Variants in DDX10 observed in about 807,000 individuals in gnomAD.
The protein encoded by DDX10 is DEAD-box helicase 10, also known as probable ATP-dependent RNA helicase DDX10.
In DDX10, 74 loss-of-function variants were observed where a neutral mutation model predicts 104.3. That is an observed-to-expected ratio of 0.71 (90% confidence interval 0.59 to 0.86). The LOEUF (loss-of-function observed/expected upper bound fraction) is 0.86. Among genes scored for constraint, DDX10 ranks in the 40% least tolerant of loss-of-function variants. The probability of loss-of-function intolerance (pLI) is 0.00; values close to 1 mark genes in which losing one functional copy is unlikely to be tolerated. For synonymous variants in DDX10, 351 were observed against 353.4 expected (o/e 0.99, Z 0.08); for missense variants, 952 against 1,040.0 (o/e 0.92, Z 1.16).
intron 13 of DDX10, among the ~76,000 whole-genome samples, chr11:108,779,574 A>T (rs563589359): frequency 4.5e-4 from 68 of 152,292 alleles, no homozygotes; most frequent in African/African-American, 1.6e-3. Context: ...TAGGAGATAT[A>T]CCTAATGTAA....
intron 16 of DDX10, among the ~76,000 whole-genome samples, chr11:108,900,146 C>G (rs1863497587): frequency 6.6e-6 from 1 of 152,092 alleles, no homozygotes; most frequent in Non-Finnish European, 1.5e-5. Flanking sequence ...TCCGTCCTCC[C>G]CTCGCTCCTG....
chr11:108,931,354 A>G (rs903512068), intron 17 of DDX10, among the ~76,000 whole-genome samples: 1 of 152,150 alleles, frequency 6.6e-6, no homozygotes, highest in Non-Finnish European at 1.5e-5. Flanking sequence ...CAAACATAAA[A>G]ATTGGCACCC....
At chr11:108,750,510 C>T (rs954568935) in intron 13 of DDX10, among the ~76,000 whole-genome samples, 10 of 152,104 alleles carry the variant, frequency 6.6e-5, no homozygotes, top group South Asian at 2.1e-4. Flanking sequence ...CTTTCACTCT[C>T]ACCCTCTTCC....
At chr11:108,744,139 A>C (rs1257190750) in intron 13 of DDX10, among the ~76,000 whole-genome samples, 1 of 152,078 alleles carries the variant, frequency 6.6e-6, no homozygotes, top group Non-Finnish European at 1.5e-5. Flanking sequence ...TTATATTCCC[A>C]TTAATATCGT....
At chr11:108,705,979 CT>C (rs925791528) in intron 9 of DDX10, among the ~76,000 whole-genome samples, 31 of 148,848 alleles carry the variant, frequency 2.1e-4, no homozygotes, top group Non-Finnish European at 2.7e-4. Context: ...CTATTTCTTT[CT>C]TTTTTTTTTG....
chr11:108,829,308 G>T (rs1221854876), intron 13 of DDX10, among the ~76,000 whole-genome samples: 2 of 152,132 alleles, frequency 1.3e-5, no homozygotes, highest in Non-Finnish European at 2.9e-5. Flanking sequence ...GGAGTGAGGT[G>T]GTATTGCATT....
intron 13 of DDX10, among the ~76,000 whole-genome samples, chr11:108,789,832 C>T (rs1861846461): frequency 6.6e-6 from 1 of 152,184 alleles, no homozygotes; most frequent in South Asian, 2.1e-4. Context: ...ATAACATTGT[C>T]AAGATCAAGG....
At chr11:108,677,370 G>C (rs1012827975) in intron 4 of DDX10, 127 bp downstream of exon 4, 1 of 783,398 alleles carries the variant, frequency 1.3e-6, no homozygotes, top group East Asian at 2.7e-5. Flanking sequence ...TCATGGGATA[G>C]TAGCACTTGG....
chr11:108,722,325 C>T (rs898868531), intron 12 of DDX10, among the ~76,000 whole-genome samples: 2 of 152,130 alleles, frequency 1.3e-5, no homozygotes, highest in African/African-American at 4.8e-5. Context: ...TCATTGAGAA[C>T]TTAATGAAGC....
At chr11:108,868,715 A>G (rs1863039829) in intron 16 of DDX10, among the ~76,000 whole-genome samples, 1 of 152,092 alleles carries the variant, frequency 6.6e-6, no homozygotes, top group African/African-American at 2.4e-5. Context: ...GTTCTCTGAT[A>G]TGGGCAACAA....
intron 13 of DDX10, among the ~76,000 whole-genome samples, chr11:108,731,663 A>G (rs1010765107): frequency 2.0e-5 from 3 of 151,766 alleles, no homozygotes; most frequent in Non-Finnish European, 2.9e-5. Context: ...CAGCCTCCCA[A>G]AGTTCTGGGA....
At chr11:108,689,434 TG>T (rs1328985804) in intron 7 of DDX10, among the ~76,000 whole-genome samples, 1 of 152,238 alleles carries the variant, frequency 6.6e-6, no homozygotes, top group Non-Finnish European at 1.5e-5. Flanking sequence ...TTGTTTATGC[TG>T]ATCTGTCTGG....
chr11:108,737,632 A>G (rs559300623), intron 13 of DDX10, among the ~76,000 whole-genome samples: 1 of 152,182 alleles, frequency 6.6e-6, no homozygotes, highest in Non-Finnish European at 1.5e-5. Flanking sequence ...TGTGCATGAG[A>G]TAGATATCAC....
At chr11:108,868,028 T>C (rs938305660) in intron 16 of DDX10, among the ~76,000 whole-genome samples, 1 of 152,150 alleles carries the variant, frequency 6.6e-6, no homozygotes. Flanking sequence ...TTTCTAGATA[T>C]TGTAGCTTTG....
intron 6 of DDX10, 74 bp from the exon 7 acceptor site, chr11:108,688,862 T>C: frequency 6.6e-7 from 1 of 1,521,840 alleles, no homozygotes; most frequent in South Asian, 1.3e-5. Context: ...TTAAAACTTG[T>C]TTCCTTTTTT....
At chr11:108,875,618 G>A (rs1461913904) in intron 16 of DDX10, among the ~76,000 whole-genome samples, 1 of 152,146 alleles carries the variant, frequency 6.6e-6, no homozygotes, top group African/African-American at 2.4e-5. Flanking sequence ...CACAACAAAT[G>A]ACCAGGTGTC....
intron 10 of DDX10, among the ~76,000 whole-genome samples, chr11:108,714,995 C>T (rs1419840100): frequency 1.5e-5 from 2 of 130,064 alleles, no homozygotes; most frequent in East Asian, 2.7e-4. Flanking sequence ...GCAGAAACAA[C>T]GTGGTTCAGC....
chr11:108,712,049 T>C (rs1468473192), intron 10 of DDX10, among the ~76,000 whole-genome samples: 2 of 152,238 alleles, frequency 1.3e-5, no homozygotes, highest in South Asian at 4.1e-4. Context: ...TTTATCATTA[T>C]GTCATGCCAT....
At chr11:108,774,144 T>G (rs930178867) in intron 13 of DDX10, among the ~76,000 whole-genome samples, 1 of 152,240 alleles carries the variant, frequency 6.6e-6, no homozygotes, top group Admixed American at 6.5e-5. Flanking sequence ...TTGTTACCAG[T>G]AGGAAATGTG....
Sources: gnomAD v4.1 joint callset for allele counts (sites outside exome capture counted in the v4.1 genomes callset) on GRCh38, gnomAD v4.1.1 for gene constraint, MANE v1.5 for transcripts, NCBI Gene and HGNC (gene_info 2026-07-23, HGNC 2026-07-21) for gene names.